The following SLCO1B1 variants were observed in gnomAD, a reference collection of about 807,000 sequenced individuals.
The protein encoded by SLCO1B1 is OATP-2.
SLCO1B1 carries 81 observed loss-of-function variants against 70.1 expected under a neutral mutation model. That is an observed-to-expected ratio of 1.16 (90% CI 0.97 to 1.39). The LOEUF (loss-of-function observed/expected upper bound fraction) is 1.39. Among genes scored for constraint, SLCO1B1 ranks in the 40% most tolerant of loss-of-function variants. The pLI is 0.00. For missense variants in SLCO1B1, 895 were observed against 799.6 expected (o/e 1.12, Z -1.44); for synonymous variants, 283 against 271.5 (o/e 1.04, Z -0.42).
At chr12:21,237,128 G>T (rs991716553) in intron 14 of SLCO1B1, among the ~76,000 whole-genome samples, 6 of 151,784 alleles carry the variant, frequency 4.0e-5, no homozygotes, top group African/African-American at 7.3e-5. Context: ...TTTTTCTTCT[G>T]TTGTGTTCTT....
At chr12:21,154,574 C>G (rs921273283) in intron 2 of SLCO1B1, among the ~76,000 whole-genome samples, 1 of 151,912 alleles carries the variant, frequency 6.6e-6, no homozygotes, top group Non-Finnish European at 1.5e-5. Flanking sequence ...GCCTCTTTAC[C>G]CTCTATACAA....
intron 1 of SLCO1B1, among the ~76,000 whole-genome samples, chr12:21,138,493 T>A (rs1303678695): frequency 6.6e-6 from 1 of 152,202 alleles, no homozygotes; most frequent in Non-Finnish European, 1.5e-5. Context: ...TAGTCAAGCA[T>A]AAATTAATAT....
At chr12:21,229,731 C>T (rs989833008) in intron 14 of SLCO1B1, among the ~76,000 whole-genome samples, 7 of 152,142 alleles carry the variant, frequency 4.6e-5, no homozygotes, top group Non-Finnish European at 8.8e-5. Context: ...TGAAACCTTG[C>T]AATAATTGCT....
intron 2 of SLCO1B1, among the ~76,000 whole-genome samples, chr12:21,166,254 G>A (rs188935315): frequency 3.3e-5 from 5 of 152,100 alleles, no homozygotes; most frequent in Admixed American, 3.3e-4. Flanking sequence ...TGATCAAACT[G>A]TCAAAGGCCA....
intron 1 of SLCO1B1, among the ~76,000 whole-genome samples, chr12:21,133,780 A>G (rs1050469559): frequency 1.5e-4 from 23 of 152,318 alleles, no homozygotes; most frequent in Admixed American, 7.8e-4. Flanking sequence ...ATCTGCAAAC[A>G]GGGACAATTT....
chr12:21,217,280 C>T lies in SLCO1B1; in HGVS notation c.1659C>T (p.Thr553=). 6.2e-7 allele frequency: 1 copy of T among 1,613,690 alleles called. No individual in the cohort carries two copies. Among genetic ancestry groups the T allele is most frequent in the Non-Finnish European group, 8.5e-7 (1 of 1,179,704 alleles). The change falls in exon 12 of 15, where the codon ACC becomes ACT. Residue 553 remains threonine (T), a synonymous_variant. Transcript: ENST00000256958. ...TATTTTTCTCTGCACTTGGAGGCAC[C>T]TCACATGTCATGCTGATTGTTAAGT... ...LNLFFSALGG[T]SHVMLIVKIV... is the part of the protein sequence containing the mutation.
chr12:21,135,518 C>A (rs1323886045), intron 1 of SLCO1B1, among the ~76,000 whole-genome samples: 1 of 152,086 alleles, frequency 6.6e-6, no homozygotes, highest in Non-Finnish European at 1.5e-5. Flanking sequence ...CTGGGTGCTC[C>A]TGTATTGGGT....
intron 13 of SLCO1B1, among the ~76,000 whole-genome samples, 157 bp from the exon 14 acceptor site, chr12:21,224,565 A>G (rs145143431): frequency 7.9e-5 from 12 of 152,342 alleles, no homozygotes; most frequent in Non-Finnish European, 1.8e-4. Flanking sequence ...TGAGATTTCT[A>G]ATAATCTTTA....
At chr12:21,186,362 A>T (rs2121121264) in intron 7 of SLCO1B1, among the ~76,000 whole-genome samples, 1 of 152,266 alleles carries the variant, frequency 6.6e-6, no homozygotes, top group South Asian at 2.1e-4. Flanking sequence ...TGCTTAAAAC[A>T]CCATGTGACA....
chr12:21,197,525 T>C (rs904193874), intron 8 of SLCO1B1, among the ~76,000 whole-genome samples: 4 of 152,100 alleles, frequency 2.6e-5, no homozygotes, highest in African/African-American at 9.7e-5. Context: ...ATTTCATTCC[T>C]TCATTTATTC....
At chr12:21,180,176 C>G (rs964870916) in intron 7 of SLCO1B1, among the ~76,000 whole-genome samples, 1 of 152,094 alleles carries the variant, frequency 6.6e-6, no homozygotes, top group Admixed American at 6.6e-5. Flanking sequence ...ATCACCTTAC[C>G]TCCAACCCCA....
chr12:21,177,004 A>G (rs1466504630), intron 5 of SLCO1B1, 107 bp downstream of exon 5: 4 of 842,662 alleles, frequency 4.7e-6, no homozygotes, highest in Non-Finnish European at 8.0e-6. Context: ...AAGAATGAAT[A>G]GGAAAAACAT....
intron 7 of SLCO1B1, among the ~76,000 whole-genome samples, chr12:21,193,114 CAT>C (rs1448182052): frequency 2.6e-5 from 4 of 152,064 alleles, no homozygotes; most frequent in African/African-American, 4.8e-5. Context: ...CATGATGTAA[CAT>C]GTGGTCTATC....
At chr12:21,205,106 C>T (rs902087291) in intron 10 of SLCO1B1, among the ~76,000 whole-genome samples, 5 of 151,728 alleles carry the variant, frequency 3.3e-5, no homozygotes, top group Admixed American at 6.6e-5. Flanking sequence ...ATTATGTGCT[C>T]ATTCAAAGAT....
chr12:21,179,646 G>A (rs1940868671), intron 7 of SLCO1B1, among the ~76,000 whole-genome samples: 1 of 151,978 alleles, frequency 6.6e-6, no homozygotes, highest in African/African-American at 2.4e-5. Context: ...TCAACTTCAG[G>A]CCCTTTTCCC....
intron 2 of SLCO1B1, among the ~76,000 whole-genome samples, chr12:21,154,791 C>T (rs988307722): frequency 2.0e-5 from 3 of 151,990 alleles, no homozygotes; most frequent in Non-Finnish European, 2.9e-5. Flanking sequence ...GTTTCCAGTA[C>T]GTGTTTGGTT....
chr12:21,140,340 C>A (rs1344516571), intron 1 of SLCO1B1, among the ~76,000 whole-genome samples: 1 of 151,944 alleles, frequency 6.6e-6, no homozygotes. Flanking sequence ...TGTTTACATA[C>A]ATAGGAGCAA....
intron 14 of SLCO1B1, among the ~76,000 whole-genome samples, chr12:21,232,267 G>A (rs1412672346): frequency 1.3e-5 from 2 of 152,196 alleles, no homozygotes; most frequent in African/African-American, 2.4e-5. Flanking sequence ...TTCCCAGAAG[G>A]ATTCCAGTGC....
chr12:21,132,383 C>T (rs926654540), intron 1 of SLCO1B1, among the ~76,000 whole-genome samples: 2 of 151,926 alleles, frequency 1.3e-5, no homozygotes, highest in African/African-American at 4.8e-5. Context: ...ATGGTATTTC[C>T]AGTTCTAGAT....
Sources: gnomAD v4.1 joint callset for allele counts (sites outside exome capture counted in the v4.1 genomes callset) on GRCh38, gnomAD v4.1.1 for gene constraint, MANE v1.5 for transcripts, NCBI Gene and HGNC (gene_info 2026-07-23, HGNC 2026-07-21) for gene names.